SYNE2: variants seen among roughly 807,000 people sequenced by gnomAD.
SYNE2 encodes the protein spectrin repeat containing nuclear envelope protein 2, also known as nesprin-2.
SYNE2 carries 431 observed loss-of-function variants against 856.3 expected under a neutral mutation model. The ratio of observed to expected loss-of-function variants is 0.50; its 90% CI spans 0.47 to 0.55. The LOEUF (loss-of-function observed/expected upper bound fraction) is 0.55. Ranked by LOEUF, SYNE2 falls within the 20% of genes least tolerant of loss-of-function variation. The pLI is 0.00. For synonymous variants in SYNE2, 2,923 were observed against 2,872.3 expected, an observed-to-expected ratio of 1.02 and a Z score of -0.56; for missense variants, 8,129 against 8,023.2, an observed-to-expected ratio of 1.01 and a Z score of -0.50.
chr14:64,087,022 C>A (rs918855505), intron 57 of SYNE2, among the ~76,000 whole-genome samples: 1 of 129,982 alleles, frequency 7.7e-6, no homozygotes, highest in African/African-American at 2.9e-5. Flanking sequence ...GTATACATTT[C>A]TTGCATGTAT....
At chr14:63,851,916 C>G (rs1890497677), upstream of SYNE2, among the ~76,000 whole-genome samples, 1 of 142,010 alleles carries the variant, frequency 7.0e-6, no homozygotes, top group Non-Finnish European at 1.5e-5. Context: ...AACCCCGACT[C>G]TAAAAAAATG....
rs2098715164 is a variant in SYNE2, at chr14:64,225,493, G to A, written c.20691G>A (p.Met6897Ile). Reference sequence around the variant, plus strand: ...ACTTTGCCCGGTCCTTTTACCCCATGCTGAGGTACACCAATGGGCCACCCC... The same window carrying A: ...ACTTTGCCCGGTCCTTTTACCCCATACTGAGGTACACCAATGGGCCACCCC... ...ANNFARSFYP[M>I]LRYTNGPPPT is the part of the protein sequence containing the mutation. Residue 6897 changes from methionine (M) to isoleucine (I), a missense_variant, in exon 116 of 116, where the codon ATG (methionine) becomes ATA (isoleucine). Transcript: ENST00000555002. 9 of 1,614,212 alleles carry A rather than the reference G, an allele frequency of 5.6e-6. No homozygotes were observed. Among genetic ancestry groups the A allele is most frequent in the Non-Finnish European group, 7.6e-6 (9 of 1,180,036 alleles).
intron 94 of SYNE2, among the ~76,000 whole-genome samples, chr14:64,171,997 C>T (rs1238204262): frequency 6.6e-6 from 1 of 152,068 alleles, no homozygotes; most frequent in Non-Finnish European, 1.5e-5. Flanking sequence ...ATTACAGGCG[C>T]CCGCCACCAT....
intron 51 of SYNE2, among the ~76,000 whole-genome samples, chr14:64,067,537 C>T (rs572906005): frequency 1.3e-5 from 2 of 152,204 alleles, no homozygotes; most frequent in Non-Finnish European, 2.9e-5. Context: ...ATGTAAGCTT[C>T]TGTTAGCATG....
In SYNE2 at chr14:64,091,050, T is replaced by C; in HGVS notation, c.11976+2T>C. 1.9e-6 allele frequency: 3 copies of C among 1,613,758 alleles called. No homozygotes were observed. Among genetic ancestry groups the C allele is most frequent in the East Asian group, 2.2e-5 (1 of 44,866 alleles). On this transcript the variant is annotated splice_donor_variant, in intron 60 of 115. Coordinates refer to ENST00000555002, the MANE Select transcript of SYNE2 (RefSeq NM_182914.3). LOFTEE classifies it high-confidence loss of function. ...CAAGAACAAAATGAGTTATTAAAGG[T>C]AAGCAGTTTCTGATGACATCCAACT...
Position 64,070,746 on chromosome 14 carries a change from A to G in SYNE2, c.10533A>G (p.Leu3511=), listed in dbSNP as rs537116668. ...AATTEELSEL[L]DCLCQYGENV... The stretch of plus-strand genomic sequence containing the variant: ...CCACAGAGGAACTCTCTGAGCTGCT[A>G]GACTGTTTATGCCAATATGGAGAGA... The change falls in exon 52 of 116, where the codon CTA becomes CTG. Residue 3511 remains leucine, a synonymous_variant. Coordinates refer to ENST00000555002, the MANE Select transcript of SYNE2 (RefSeq NM_182914.3). 6.2e-7 allele frequency: 1 copy of G among 1,614,242 alleles called. No individual in the cohort carries two copies. The highest frequency in any genetic ancestry group is 1.3e-5 in the African/African-American group (1 of 75,072).
At chr14:63,923,212 T>C (rs1248105924) in intron 2 of SYNE2, among the ~76,000 whole-genome samples, 1 of 152,250 alleles carries the variant, frequency 6.6e-6, no homozygotes, top group Non-Finnish European at 1.5e-5. Flanking sequence ...ATCAGTATTG[T>C]GGGCTTATTT....
chr14:64,161,950 A>G (rs1326094919), intron 87 of SYNE2, 122 bp from the exon 88 acceptor site: 3 of 1,073,782 alleles, frequency 2.8e-6, no homozygotes, highest in Non-Finnish European at 4.2e-6. Flanking sequence ...TTTAAAAACC[A>G]TTTAACAGTG....
At chr14:63,870,107 C>T (rs977372826) in intron 1 of SYNE2, among the ~76,000 whole-genome samples, 1 of 152,156 alleles carries the variant, frequency 6.6e-6, no homozygotes, top group Non-Finnish European at 1.5e-5. Context: ...AGAATATAGT[C>T]TGAACACTTG....
chr14:64,107,596 C>G lies in SYNE2; in HGVS notation c.12598C>G (p.Gln4200Glu). The G allele has an allele frequency of 1.2e-6, 2 of 1,613,800 alleles. No homozygotes were observed. Among genetic ancestry groups the G allele is most frequent in the Non-Finnish European group, 1.7e-6 (2 of 1,179,694 alleles). ...QGPECSLRPN[Q>E]TEEGTTPPIE... ...CCCAGAATGTTCCCTAAGGCCCAACCAAACAGAAGAGGTAAGTCCTGGTTG... is the reference window on the plus strand; with the variant it reads ...CCCAGAATGTTCCCTAAGGCCCAACGAAACAGAAGAGGTAAGTCCTGGTTG... The change falls in exon 65 of 116, where the codon CAA (glutamine) becomes GAA (glutamate). Residue 4200 changes from glutamine (Q) to glutamate (E), a missense_variant. Physicochemically the swap from Gln to Glu is conservative, Grantham distance 29. Transcript: ENST00000555002.
rs1208626551 is a variant in SYNE2 at position 64,081,548 on chromosome 14, A to G, written c.11452A>G (p.Arg3818Gly). ...LANPADYDSL[R>G]TLSHHASTVQ... is the part of the protein sequence containing the mutation. The stretch of plus-strand genomic sequence containing the variant: ...CAATCCTGCTGACTATGACTCTTTG[A>G]GGACACTGAGTCACCATGCTAGCAC... Residue 3818 changes from arginine (R) to glycine (G), a missense_variant, in exon 57 of 116, where the codon AGG (arginine) becomes GGG (glycine). This residue lies in a region of SYNE2 where 5,410 missense variants were observed against 5,284.8 expected (regional missense o/e 1.02). Coordinates refer to ENST00000555002, the MANE Select transcript of SYNE2 (RefSeq NM_182914.3). The G allele has an allele frequency of 6.2e-7, 1 of 1,614,150 alleles. No homozygotes were observed. The highest frequency in any genetic ancestry group is 1.1e-5 in the South Asian group (1 of 91,088).
rs369878032 is a variant in SYNE2 at position 64,001,928 on chromosome 14, A to G, written c.3639-6A>G. 67 of 1,613,992 alleles carry G rather than the reference A, an allele frequency of 4.2e-5. No individual in the cohort carries two copies. The African/African-American group carries it at 7.1e-4, about 17-fold the overall frequency. On this transcript the variant is annotated splice_region_variant and splice_polypyrimidine_tract_variant and intron_variant, in intron 28 of 115. Transcript: ENST00000555002. ...TCCCCTCATGTCTGATTTACCTTGC[A>G]CCCAGAATGGAATCTTTAGAGACAG...
At chr14:64,184,517 C>G (rs1385903257) in intron 96 of SYNE2, among the ~76,000 whole-genome samples, 1 of 152,164 alleles carries the variant, frequency 6.6e-6, no homozygotes, top group Non-Finnish European at 1.5e-5. Context: ...GGGCATAACT[C>G]GGTGGCCGAG....
intron 1 of SYNE2, among the ~76,000 whole-genome samples, chr14:63,771,542 A>C (rs1478721307): frequency 6.6e-6 from 1 of 152,216 alleles, no homozygotes; most frequent in African/African-American, 2.4e-5. Context: ...TTTCTTGGCT[A>C]AAGTGTTCAT....
chr14:63,825,133 A>G (rs1024137251), intron 1 of SYNE2, among the ~76,000 whole-genome samples: 1 of 152,198 alleles, frequency 6.6e-6, no homozygotes, highest in Non-Finnish European at 1.5e-5. Flanking sequence ...AAACTTTATT[A>G]ACTGATAAAG....
rs572942116 is a variant in SYNE2 at position 64,004,250 on chromosome 14, G to A, written c.4397+920G>A. 6.1e-5 allele frequency among the ~76,000 whole-genome samples: 9 copies of A among 148,050 alleles called. 1 individual carries two copies. In the South Asian group the frequency reaches 1.9e-3, roughly 32 times the overall value. ...GGGTTTTCACCATATTGGCCAGGATGGTCTTAATCTCTCGACCTCGTGATC... is the reference window on the plus strand; with the variant it reads ...GGGTTTTCACCATATTGGCCAGGATAGTCTTAATCTCTCGACCTCGTGATC... On this transcript the variant is annotated intron_variant, in intron 30 of 115. Coordinates refer to ENST00000555002, the MANE Select transcript of SYNE2 (RefSeq NM_182914.3).
chr14:64,110,319 T>G (rs1275278350), intron 65 of SYNE2, among the ~76,000 whole-genome samples: 4 of 152,184 alleles, frequency 2.6e-5, no homozygotes, highest in Non-Finnish European at 5.9e-5. Context: ...AGTGTTGTGT[T>G]GATGCAGAAG....
In SYNE2 at chr14:63,978,007, A is replaced by C; in HGVS notation, c.1396A>C (p.Met466Leu). ...GGTACCACCTAACAAATTGGAGGAA[A>C]TGAAAAGACGGTGTGTAACACTACC... ...PLVPPNKLEE[M>L]KRRINNILEK... Residue 466 changes from methionine to leucine, a missense_variant, in exon 13 of 116, where the codon ATG becomes CTG. Physicochemically the swap from Met to Leu is conservative, Grantham distance 15. This residue lies in a region of SYNE2 where 2,422 missense variants were observed against 2,357.4 expected (regional missense o/e 1.03). Transcript: ENST00000555002. 1.9e-6 allele frequency: 3 copies of C among 1,607,106 alleles called. No homozygotes were observed.
chr14:64,223,379 A>G lies in SYNE2; in HGVS notation c.20381A>G (p.Gln6794Arg), dbSNP rs751565440. 19 of 1,613,706 alleles carry G rather than the reference A, an allele frequency of 1.2e-5. No homozygotes were observed. The highest frequency in any genetic ancestry group is 9.9e-5 in the South Asian group (9 of 90,930). ...SQDLMALQGTQNPASPLPSFD... is the reference protein window; with the variant it reads ...SQDLMALQGTRNPASPLPSFD... Reference sequence around the variant, plus strand: ...GATTTAATGGCCTTGCAGGGAACCCAGGTGAGTCTACTTGTAGCTTTTAAC... The same window carrying G: ...GATTTAATGGCCTTGCAGGGAACCCGGGTGAGTCTACTTGTAGCTTTTAAC... Residue 6794 changes from glutamine (Q) to arginine (R), a missense_variant and splice_region_variant, in exon 113 of 116, where the codon CAG (glutamine) becomes CGG (arginine). Around this residue, in one of 3 missense-constraint regions of SYNE2, gnomAD observed 5,410 missense variants for 5,284.8 expected, o/e 1.02. Coordinates refer to ENST00000555002, the MANE Select transcript of SYNE2 (RefSeq NM_182914.3).
Sources: gnomAD v4.1 joint callset for allele counts (sites outside exome capture counted in the v4.1 genomes callset) on GRCh38, gnomAD v4.1.1 for gene constraint, gnomAD v4.1.1 regional missense constraint, MANE v1.5 for transcripts, NCBI Gene and HGNC (gene_info 2026-07-23, HGNC 2026-07-21) for gene names.